Variants in ABCC11 observed in about 807,000 individuals in gnomAD.
The protein encoded by ABCC11 is ATP binding cassette subfamily C member 11.
In ABCC11, 135 loss-of-function variants were observed where a neutral mutation model predicts 149.3. The observed-to-expected ratio is 0.90, with a 90% CI of 0.79 to 1.04. The LOEUF is 1.04. Ranked by LOEUF, ABCC11 falls within the 50% of genes least tolerant of loss-of-function variation. ABCC11 has a pLI of 0.00. For synonymous variants in ABCC11, 665 were observed against 671.4 expected (o/e 0.99, Z 0.15); for missense variants, 1,680 against 1,722.1 (o/e 0.98, Z 0.43).
intron 9 of ABCC11, among the ~76,000 whole-genome samples, chr16:48,213,891 G>A (rs965423840): frequency 2.6e-5 from 4 of 152,248 alleles, no homozygotes; most frequent in African/African-American, 9.6e-5. Flanking sequence ...GAAAATTCAT[G>A]TGAGTGAGCA....
intron 4 of ABCC11, among the ~76,000 whole-genome samples, chr16:48,226,050 G>A (rs1397846699): frequency 7.0e-6 from 1 of 143,486 alleles, no homozygotes; most frequent in Non-Finnish European, 1.5e-5. Context: ...TACCTATTAA[G>A]CATCAAGTGT....
intron 15 of ABCC11, among the ~76,000 whole-genome samples, chr16:48,198,531 A>G (rs1248529994): frequency 6.6e-6 from 1 of 152,214 alleles, no homozygotes; most frequent in African/African-American, 2.4e-5. Context: ...GTAACATGGA[A>G]GATTTTTGAA....
chr16:48,229,501 A>C (rs1262775432), intron 3 of ABCC11, among the ~76,000 whole-genome samples: 1 of 116,644 alleles, frequency 8.6e-6, no homozygotes, highest in African/African-American at 3.7e-5. Flanking sequence ...TCTGTCACCC[A>C]GCCCGGACTG....
At chr16:48,175,683 C>T (rs2150730133) in intron 25 of ABCC11, among the ~76,000 whole-genome samples, 1 of 152,316 alleles carries the variant, frequency 6.6e-6, no homozygotes, top group East Asian at 1.9e-4. Context: ...TTCATATACA[C>T]AATGTTAGGA....
rs1487602435 is a variant in ABCC11, at chr16:48,187,335, G to C, written c.2799C>G (p.Leu933=). The change falls in exon 21 of 30, where the codon CTC becomes CTG. Residue 933 remains leucine (L), a synonymous_variant. Coordinates refer to ENST00000356608, the MANE Select transcript of ABCC11 (RefSeq NM_001370497.1). The part of the protein sequence containing the change: ...FAGDLEQLDQ[L]LPIFSEQFLV... ...GGAACTGCTCTGAAAAGATGGGCAA[G>C]AGCTGGTCCAGCTGTTCCAAGTCCC... is the stretch of plus-strand genomic sequence containing the variant. The C allele has an allele frequency of 6.2e-7, 1 of 1,614,218 alleles. No homozygotes were observed. Among genetic ancestry groups the C allele is most frequent in the Admixed American group, 1.7e-5 (1 of 60,026 alleles).
At chr16:48,180,043 C>G (rs1436335408) in intron 23 of ABCC11, among the ~76,000 whole-genome samples, 2 of 152,314 alleles carry the variant, frequency 1.3e-5, no homozygotes, top group Middle Eastern at 3.4e-3. Context: ...TTCCTCCCAT[C>G]CCTCAGTGTA....
chr16:48,215,840 A>G lies in ABCC11; in HGVS notation c.951+274T>C, dbSNP rs145297452. 6.0e-3 allele frequency among the ~76,000 whole-genome samples: 920 copies of G among 152,340 alleles called. 11 individuals are homozygous for G. The highest frequency in any genetic ancestry group is 0.021 in the African/African-American group (890 of 41,570). ...AGAAGAGACGGAACAAAAATCTCGC[A>G]CAGAGATTATCTACAAAGGAAAGTT... On this transcript the variant is annotated intron_variant, in intron 7 of 29. Coordinates refer to ENST00000356608, the MANE Select transcript of ABCC11 (RefSeq NM_001370497.1).
intron 20 of ABCC11, 62 bp downstream of exon 20, chr16:48,192,458 A>AAAAAATAT (rs1470099182): frequency 3.9e-6 from 6 of 1,535,696 alleles, no homozygotes; most frequent in Non-Finnish European, 5.3e-6. Context: ...TAAAAAAATA[A>AAAAAATAT]AAATGAAGCT....
chr16:48,187,382 G>A lies in ABCC11; in HGVS notation c.2752C>T (p.Arg918Trp), dbSNP rs139927866. ...MSFFDTIPIG[R>W]LLNCFAGDLE... ...TCCCCTGCGAAGCAGTTCAAAAGCC[G>A]GCCTATTGGGATGGTGTCAAAGAAA... Residue 918 changes from arginine to tryptophan, a missense_variant, in exon 21 of 30, where the codon CGG (arginine) becomes TGG (tryptophan). Transcript: ENST00000356608. The A allele has an allele frequency of 3.8e-5, 61 of 1,614,030 alleles. No individual in the cohort carries two copies. Among genetic ancestry groups the A allele is most frequent in the African/African-American group, 2.7e-4 (20 of 75,020 alleles).
At chr16:48,218,919 G>A (rs78445087) in intron 6 of ABCC11, among the ~76,000 whole-genome samples, 4,232 of 152,216 alleles carry the variant, frequency 0.028, 76 homozygotes, top group Non-Finnish European at 0.038. Flanking sequence ...ATCTATGTGT[G>A]CTAACTGGAA....
intron 11 of ABCC11, 192 bp downstream of exon 11, chr16:48,210,756 A>G: frequency 1.2e-6 from 1 of 833,386 alleles, no homozygotes; most frequent in Non-Finnish European, 1.8e-6. Flanking sequence ...ATTTTAAATG[A>G]TAGATTAATT....
intron 14 of ABCC11, among the ~76,000 whole-genome samples, chr16:48,201,991 C>T (rs552177841): frequency 1.3e-5 from 2 of 152,280 alleles, no homozygotes; most frequent in African/African-American, 4.8e-5. Context: ...CTGTCCCTGC[C>T]GTGCTTCCAG....
chr16:48,205,873 C>T (rs570805587), intron 12 of ABCC11, among the ~76,000 whole-genome samples: 11 of 151,098 alleles, frequency 7.3e-5, no homozygotes, highest in African/African-American at 9.8e-5. Flanking sequence ...TGCAGTGGCA[C>T]GATTTCGGCT....
chr16:48,196,204 G>C (rs772003192), intron 18 of ABCC11, 28 bp downstream of exon 18: 2 of 1,609,012 alleles, frequency 1.2e-6, no homozygotes, highest in East Asian at 2.2e-5. Flanking sequence ...CTCCAAGAGA[G>C]AGCCCTGGGC....
At chr16:48,191,072 G>C (rs531352064) in intron 20 of ABCC11, among the ~76,000 whole-genome samples, 2 of 152,184 alleles carry the variant, frequency 1.3e-5, no homozygotes, top group East Asian at 3.8e-4. Context: ...GAACTATTCT[G>C]TACCATGGAT....
chr16:48,214,051 C>A (rs1048200499), intron 9 of ABCC11, among the ~76,000 whole-genome samples: 2 of 152,098 alleles, frequency 1.3e-5, no homozygotes, highest in Non-Finnish European at 1.5e-5. Flanking sequence ...TAGCAAAACA[C>A]CTTAGGCTCT....
chr16:48,187,530 C>T, intron 20 of ABCC11, 103 bp from the exon 21 acceptor site: 2 of 912,526 alleles, frequency 2.2e-6, no homozygotes, highest in South Asian at 3.1e-5. Context: ...CCACGGATCC[C>T]AGGGGTCTCC....
At chr16:48,175,792 C>T (rs1966023610) in intron 25 of ABCC11, among the ~76,000 whole-genome samples, 1 of 151,996 alleles carries the variant, frequency 6.6e-6, no homozygotes, top group Non-Finnish European at 1.5e-5. Flanking sequence ...CAACACTGGA[C>T]CCATATCCCC....
chr16:48,213,738 A>C (rs905643697), intron 9 of ABCC11, among the ~76,000 whole-genome samples, 188 bp from the exon 10 acceptor site: 13 of 152,182 alleles, frequency 8.5e-5, no homozygotes, highest in Admixed American at 7.9e-4. Flanking sequence ...GGAGTCTTAG[A>C]GTCAAAGGCC....
Sources: gnomAD v4.1 joint callset for allele counts (sites outside exome capture counted in the v4.1 genomes callset) on GRCh38, gnomAD v4.1.1 for gene constraint, MANE v1.5 for transcripts, NCBI Gene and HGNC (gene_info 2026-07-23, HGNC 2026-07-21) for gene names.